Variants in DDX4 observed in about 807,000 individuals in gnomAD.
DDX4 encodes probable ATP-dependent RNA helicase DDX4.
DDX4 carries 25 observed loss-of-function variants against 100.0 expected under a neutral mutation model. That is an observed-to-expected ratio of 0.25 (90% CI 0.18 to 0.35). The LOEUF (loss-of-function observed/expected upper bound fraction) is 0.35, where lower values mean the gene tolerates loss of function less well. Among genes scored for constraint, DDX4 ranks in the 10% least tolerant of loss-of-function variants. DDX4 has a pLI of 1.00. For missense variants in DDX4, 635 were observed against 882.4 expected (o/e 0.72, Z 3.55); for synonymous variants, 259 against 275.7 (o/e 0.94, Z 0.60).
intron 7 of DDX4, among the ~76,000 whole-genome samples, chr5:55,777,770 C>T (rs1741658731): frequency 6.6e-6 from 1 of 152,046 alleles, no homozygotes; most frequent in African/African-American, 2.4e-5. Context: ...AAAAAGTGTT[C>T]AGTAACTCAA....
chr5:55,782,985 G>C (rs1300754413), intron 10 of DDX4, among the ~76,000 whole-genome samples: 1 of 151,604 alleles, frequency 6.6e-6, no homozygotes, highest in Non-Finnish European at 1.5e-5. Flanking sequence ...AGTAGAGATG[G>C]GGTTTCACCT....
intron 2 of DDX4, chr5:55,741,978 T>G (rs994831237): frequency 9.5e-6 from 3 of 316,746 alleles, no homozygotes; most frequent in East Asian, 7.5e-5. Context: ...TCTGAGTGCT[T>G]CTCAGGAGCT....
At chr5:55,755,500 T>C (rs1187019737) in intron 3 of DDX4, among the ~76,000 whole-genome samples, 1 of 152,080 alleles carries the variant, frequency 6.6e-6, no homozygotes, top group Non-Finnish European at 1.5e-5. Context: ...TACGTGACTC[T>C]TTTATTGTAC....
At chr5:55,802,326 G>A (rs1344476118) in intron 18 of DDX4, among the ~76,000 whole-genome samples, 1 of 152,180 alleles carries the variant, frequency 6.6e-6, no homozygotes, top group Admixed American at 6.5e-5. Context: ...GTTTACAAAA[G>A]CAGAGTCTAC....
intron 3 of DDX4, among the ~76,000 whole-genome samples, chr5:55,758,975 A>G (rs1760119734): frequency 1.3e-5 from 2 of 150,672 alleles, no homozygotes; most frequent in Admixed American, 1.3e-4. Flanking sequence ...TGCAGCCTTG[A>G]ATTCCTGGGC....
chr5:55,805,629 T>C (rs1414963922), intron 18 of DDX4, among the ~76,000 whole-genome samples: 3 of 152,202 alleles, frequency 2.0e-5, no homozygotes, highest in Non-Finnish European at 2.9e-5. Flanking sequence ...ATTACATTTA[T>C]TGATTTGCAT....
intron 7 of DDX4, among the ~76,000 whole-genome samples, chr5:55,769,408 C>A (rs1428065311): frequency 6.6e-6 from 1 of 151,954 alleles, no homozygotes; most frequent in Non-Finnish European, 1.5e-5. Flanking sequence ...TCAACCCTGG[C>A]AAAAATCAGA....
chr5:55,763,244 G>T lies in DDX4; in HGVS notation c.275G>T (p.Gly92Val), dbSNP rs767243522. ...GGTTTTGGAGTTGGAAAGAGTTTTG[G>T]AAACAGAGGTAATTACTTGGTTATG... ...MGGFGVGKSF[G>V]NRGFSNSRFE... Residue 92 changes from glycine to valine, a missense_variant, in exon 5 of 22, where the codon GGA becomes GTA. By Grantham distance (109) the Gly-to-Val change is moderately radical. This residue lies in a region of DDX4 where 446 missense variants were observed against 540.8 expected (regional missense o/e 0.82). Transcript: ENST00000505374. 6 of 1,602,034 alleles carry T rather than the reference G, an allele frequency of 3.7e-6. No individual in the cohort carries two copies. In the Admixed American group the frequency reaches 1.0e-4, roughly 27 times the overall value.
intron 14 of DDX4, 99 bp downstream of exon 14, chr5:55,786,769 G>A (rs1257328250): frequency 1.6e-5 from 14 of 892,724 alleles, no homozygotes; most frequent in Non-Finnish European, 2.3e-5. Flanking sequence ...TTTGTAGATG[G>A]TTTCAGTTAC....
At chr5:55,768,034 G>T (rs757024582) in intron 7 of DDX4, 94 bp downstream of exon 7, 1 of 1,162,350 alleles carries the variant, frequency 8.6e-7, no homozygotes, top group Admixed American at 1.7e-5. Flanking sequence ...AACACTGATC[G>T]TGAAAACCTT....
At chr5:55,816,323 A>C in intron 21 of DDX4, 140 bp from the exon 22 acceptor site, 1 of 1,328,672 alleles carries the variant, frequency 7.5e-7, no homozygotes, top group Non-Finnish European at 1.0e-6. Context: ...ATTTAGTGAG[A>C]ATAAAGTTCT....
intron 18 of DDX4, among the ~76,000 whole-genome samples, chr5:55,801,961 A>G (rs1319896112): frequency 6.6e-6 from 1 of 152,094 alleles, no homozygotes; most frequent in East Asian, 1.9e-4. Flanking sequence ...GAAGTGTATG[A>G]CCTTCCTTAA....
At chr5:55,756,640 A>AT (rs939916473) in intron 3 of DDX4, among the ~76,000 whole-genome samples, 1 of 151,858 alleles carries the variant, frequency 6.6e-6, no homozygotes, top group Non-Finnish European at 1.5e-5. Flanking sequence ...AGTATATGGA[A>AT]TTTTTTTTAA....
chr5:55,779,958 T>A lies in DDX4; in HGVS notation c.395-6T>A. On this transcript the variant is annotated splice_region_variant and splice_polypyrimidine_tract_variant and intron_variant, in intron 7 of 21. Coordinates refer to ENST00000505374, the MANE Select transcript of DDX4 (RefSeq NM_024415.3). Reference sequence around the variant, plus strand: ...TGTTGTTCTTGTGTGTGTTTTAACATTATAGGCTATCGAGATGGAAATAAT... The same window carrying A: ...TGTTGTTCTTGTGTGTGTTTTAACAATATAGGCTATCGAGATGGAAATAAT... 6.2e-7 allele frequency: 1 copy of A among 1,613,264 alleles called. No individual in the cohort carries two copies. Among genetic ancestry groups the A allele is most frequent in the Non-Finnish European group, 8.5e-7 (1 of 1,179,650 alleles).
chr5:55,783,272 A>G (rs1029584348), intron 10 of DDX4, among the ~76,000 whole-genome samples: 3 of 152,064 alleles, frequency 2.0e-5, no homozygotes, highest in African/African-American at 7.2e-5. Flanking sequence ...TCTTCAATAT[A>G]GAAAGAGTTT....
At chr5:55,751,320 A>T (rs1313471160) in intron 3 of DDX4, among the ~76,000 whole-genome samples, 3 of 152,120 alleles carry the variant, frequency 2.0e-5, no homozygotes, top group Non-Finnish European at 4.4e-5. Flanking sequence ...TGCAGCTTCA[A>T]TCTCCCAGGC....
chr5:55,781,692 G>A (rs1741922332), intron 9 of DDX4, among the ~76,000 whole-genome samples: 1 of 151,884 alleles, frequency 6.6e-6, no homozygotes, highest in Non-Finnish European at 1.5e-5. Flanking sequence ...CATGAGAATT[G>A]GTTGAACCCA....
Position 55,786,677 on chromosome 5 carries a change from C to T in DDX4, c.1017+7C>T. 13 of 1,610,866 alleles carry T rather than the reference C, an allele frequency of 8.1e-6. No individual in the cohort carries two copies. The highest frequency in any genetic ancestry group is 1.1e-5 in the Non-Finnish European group (13 of 1,177,732). On this transcript the variant is annotated splice_region_variant and intron_variant, in intron 14 of 21. Coordinates refer to ENST00000505374, the MANE Select transcript of DDX4 (RefSeq NM_024415.3). ...AACAGGGTCTGGGAAGACTGTAAGT[C>T]TTTCCCCACATGTCCAAACTGTTAG...
chr5:55,815,527 T>C, intron 21 of DDX4, 104 bp downstream of exon 21: 1 of 1,378,316 alleles, frequency 7.3e-7, no homozygotes, highest in Non-Finnish European at 9.4e-7. Context: ...CAAGCCATTG[T>C]TTTCGTGCCT....
Sources: allele counts gnomAD v4.1 joint callset (sites outside exome capture counted in the v4.1 genomes callset), GRCh38; gene constraint gnomAD v4.1.1; regional missense constraint gnomAD v4.1.1; transcripts MANE v1.5; gene names NCBI Gene and HGNC (gene_info 2026-07-23, HGNC 2026-07-21).